The following GPR6 variants were observed in gnomAD, a reference collection of about 807,000 sequenced individuals.
The protein encoded by GPR6 is sphingosine 1-phosphate receptor GPR6.
Under a neutral mutation model 18.5 loss-of-function variants are expected in GPR6, and 14 were observed. That is an observed-to-expected ratio of 0.76 (90% CI 0.50 to 1.18). The LOEUF is 1.18. Among genes scored for constraint, GPR6 ranks in the 50% most tolerant of loss-of-function variants. The pLI is 0.00. For synonymous variants in GPR6, 299 were observed against 240.9 expected (o/e 1.24, Z -2.23); for missense variants, 477 against 495.9 (o/e 0.96, Z 0.36).
rs1459979050 is a variant in GPR6 at position 109,980,681 on chromosome 6, A to T, written c.*480A>T. ...GCTGCACATGCATCAACAAATTACAACATGTTTTGTACACGAATAAACCCA... is the reference window on the plus strand; with the variant it reads ...GCTGCACATGCATCAACAAATTACATCATGTTTTGTACACGAATAAACCCA... On this transcript the variant is annotated 3_prime_UTR_variant, in exon 2 of 2. Coordinates refer to ENST00000275169, the MANE Select transcript of GPR6 (RefSeq NM_005284.5). The T allele has an allele frequency of 5.6e-6, 1 of 179,516 alleles. No individual in the cohort carries two copies. Among genetic ancestry groups the T allele is most frequent in the Non-Finnish European group, 1.3e-5 (1 of 77,316 alleles). 11.1% of individuals were successfully genotyped at this position (179,516 alleles called of 1,614,324 possible).
At chr6:109,978,714 C>T (rs1432651899) in intron 1 of GPR6, 2 of 1,532,108 alleles carry the variant, frequency 1.3e-6, no homozygotes, top group South Asian at 1.2e-5. Flanking sequence ...AGCGTCTCTG[C>T]TGCCCAGCCC....
rs1397188590 is a variant in GPR6, at chr6:109,980,632, T to C, written c.*431T>C. On this transcript the variant is annotated 3_prime_UTR_variant, in exon 2 of 2. Coordinates refer to ENST00000275169, the MANE Select transcript of GPR6 (RefSeq NM_005284.5). The stretch of plus-strand genomic sequence containing the variant: ...GGAAAAGGGAGTAAAAGGTGTATTT[T>C]TGTCGTATGTGATAGAATATTTTGC... The C allele has an allele frequency of 1.0e-5, 2 of 199,014 alleles. No homozygotes were observed. The highest frequency in any genetic ancestry group is 2.2e-5 in the Non-Finnish European group (2 of 90,332). 12.3% of individuals were successfully genotyped at this position (199,014 alleles called of 1,614,324 possible).
In GPR6 at chr6:109,979,418, G is replaced by A. The variant is rs61730288; in HGVS notation, c.306G>A (p.Ala102=). 283 of 1,613,362 alleles carry A rather than the reference G, an allele frequency of 1.8e-4. 2 individuals are homozygous for A. The South Asian group carries it at 2.4e-3, about 14-fold the overall frequency. Residue 102 remains alanine, a synonymous_variant, in exon 2 of 2, where the codon GCG becomes GCA. Transcript: ENST00000275169. The part of the protein sequence containing the change: ...LVVALIASTP[A]LRTPMFVLVG... ...TGGCGCTCATCGCGTCCACTCCGGC[G>A]CTGCGCACGCCCATGTTCGTGCTGG...
At chr6:109,978,880 C>CA in intron 1 of GPR6, 1 of 1,531,636 alleles carries the variant, frequency 6.5e-7, no homozygotes, top group South Asian at 1.2e-5. Context: ...TGTATATCTG[C>CA]AAAAACTCAG....
rs1229256886 is a variant in GPR6 at position 109,979,695 on chromosome 6, G to A, written c.583G>A (p.Val195Met). 1.9e-6 allele frequency: 3 copies of A among 1,609,100 alleles called. No homozygotes were observed. Among genetic ancestry groups the A allele is most frequent in the Non-Finnish European group, 2.5e-6 (3 of 1,179,858 alleles). ...CCTCCTGCTTGCCGCCACTTGGACC[G>A]TGTCCCTAGGCCTGGGGCTGCTGCC... ...VHLLLAATWT[V>M]SLGLGLLPVL... is the part of the protein sequence containing the mutation. The change falls in exon 2 of 2, where the codon GTG (valine) becomes ATG (methionine). Residue 195 changes from valine (V) to methionine (M), a missense_variant. Transcript: ENST00000275169.
At position 109,980,214 on chromosome 6, in the gene GPR6, G is replaced by A. The variant is rs751772777; in HGVS notation, c.*13G>A. The A allele has an allele frequency of 1.4e-5, 23 of 1,614,034 alleles. No individual in the cohort carries two copies. In the South Asian group the frequency reaches 2.3e-4, roughly 16 times the overall value. ...CAGCGAGGTCTGAAGGGCTCGCCCC[G>A]TGTCCTCTCACCAACACCACACCCC... On this transcript the variant is annotated 3_prime_UTR_variant, in exon 2 of 2. Transcript: ENST00000275169.
rs1583857713 is a variant in GPR6 at position 109,979,094 on chromosome 6, G to A, written c.-18-1G>A. ...GACGCCTGCACTCCCTCCCTATGCAGGGTGCAAATCCGGCCGCGATGAACG... is the reference window on the plus strand; with the variant it reads ...GACGCCTGCACTCCCTCCCTATGCAAGGTGCAAATCCGGCCGCGATGAACG... On this transcript the variant is annotated splice_acceptor_variant, in intron 1 of 1. Coordinates refer to ENST00000275169, the MANE Select transcript of GPR6 (RefSeq NM_005284.5). LOFTEE classifies it low-confidence loss of function (5UTR_SPLICE). 7 of 1,566,856 alleles carry A rather than the reference G, an allele frequency of 4.5e-6. No homozygotes were observed. In the East Asian group the frequency reaches 1.3e-4, roughly 30 times the overall value.
rs149642685 is a variant in GPR6, at chr6:109,980,054, C to A, written c.942C>A (p.Thr314=). ...HEDPAVYTYA[T]LLPATYNSMI... is the part of the protein sequence containing the mutation. Reference sequence around the variant, plus strand: ...ACCCGGCGGTCTACACTTACGCCACCCTGCTGCCCGCCACCTACAACTCCA... The same window carrying A: ...ACCCGGCGGTCTACACTTACGCCACACTGCTGCCCGCCACCTACAACTCCA... The change falls in exon 2 of 2, where the codon ACC becomes ACA. Residue 314 remains threonine, a synonymous_variant. Transcript: ENST00000275169. 10 of 1,614,012 alleles carry A rather than the reference C, an allele frequency of 6.2e-6. No individual in the cohort carries two copies. Among genetic ancestry groups the A allele is most frequent in the Non-Finnish European group, 8.5e-6 (10 of 1,180,056 alleles).
In GPR6 at chr6:109,979,820, G is replaced by T; in HGVS notation, c.708G>T (p.Met236Ile). Reference sequence around the variant, plus strand: ...CTCTGCTCTCCGCCGCCTTCTTCATGGTCTTCGGCATCATGCTGCACCTGT... The same window carrying T: ...CTCTGCTCTCCGCCGCCTTCTTCATTGTCTTCGGCATCATGCTGCACCTGT... ...HVALLSAAFF[M>I]VFGIMLHLYV... The change falls in exon 2 of 2, where the codon ATG (methionine) becomes ATT (isoleucine). Residue 236 changes from methionine to isoleucine, a missense_variant. Coordinates refer to ENST00000275169, the MANE Select transcript of GPR6 (RefSeq NM_005284.5). The T allele has an allele frequency of 6.2e-7, 1 of 1,604,814 alleles. No individual in the cohort carries two copies.
rs1771064630 is a variant in GPR6 at position 109,980,481 on chromosome 6, G to T, written c.*280G>T. 3 of 467,788 alleles carry T rather than the reference G, an allele frequency of 6.4e-6. No homozygotes were observed. In the South Asian group the frequency reaches 9.2e-5, roughly 14 times the overall value. 29.0% of individuals were successfully genotyped at this position (467,788 alleles called of 1,614,324 possible). On this transcript the variant is annotated 3_prime_UTR_variant, in exon 2 of 2. Transcript: ENST00000275169. ...CTATTCTGTGAAAAACCAAGAAAAA[G>T]ATATGGTTGTATACTCAAATTGTAC... is the stretch of plus-strand genomic sequence containing the variant.
At chr6:109,979,036 G>T in intron 1 of GPR6, 59 bp from the exon 2 acceptor site, 1 of 1,536,356 alleles carries the variant, frequency 6.5e-7, no homozygotes, top group South Asian at 1.2e-5. Context: ...TCTACGCGTG[G>T]GGAAGTTTCC....
In GPR6 at chr6:109,980,334, G is replaced by C; in HGVS notation, c.*133G>C. The C allele has an allele frequency of 1.5e-6, 2 of 1,293,254 alleles. No individual in the cohort carries two copies. Among genetic ancestry groups the C allele is most frequent in the Non-Finnish European group, 2.2e-6 (2 of 920,836 alleles). 80.1% of individuals were successfully genotyped at this position (1,293,254 alleles called of 1,614,324 possible). On this transcript the variant is annotated 3_prime_UTR_variant, in exon 2 of 2. Coordinates refer to ENST00000275169, the MANE Select transcript of GPR6 (RefSeq NM_005284.5). ...TTTGGAAAGAAAAAGGGACTAAAGAGAAATGTAACAAACTTACAAGGACAA... is the reference window on the plus strand; with the variant it reads ...TTTGGAAAGAAAAAGGGACTAAAGACAAATGTAACAAACTTACAAGGACAA...
chr6:109,978,699 C>A, intron 1 of GPR6: 1 of 1,518,416 alleles, frequency 6.6e-7, no homozygotes, highest in Non-Finnish European at 8.8e-7. Flanking sequence ...TTCAGCACCG[C>A]GGACAGCGTC....
Position 109,979,352 on chromosome 6 carries a change from C to T in GPR6, c.240C>T (p.Cys80=). The T allele has an allele frequency of 1.9e-6, 3 of 1,613,746 alleles. No homozygotes were observed. Among genetic ancestry groups the T allele is most frequent in the Non-Finnish European group, 2.5e-6 (3 of 1,179,970 alleles). The change falls in exon 2 of 2, where the codon TGC becomes TGT. Residue 80 remains cysteine, a synonymous_variant. Transcript: ENST00000275169. ...TGAATCCGTGGGACGTGCTCCTGTG[C>T]GTGTCGGGGACAGTGATCGCTGGAG... ...PAVNPWDVLL[C]VSGTVIAGEN...
At position 109,978,425 on chromosome 6, in the gene GPR6, C is replaced by A. The variant is rs1770991837; in HGVS notation, c.-61C>A. On this transcript the variant is annotated 5_prime_UTR_variant, in exon 1 of 2. Transcript: ENST00000275169. ...GGGAGCTCAGCCCGGCGCCCCGCCT[C>A]GGCGCCCATGACCAGCGACTTCCAG... 7.4e-6 allele frequency: 2 copies of A among 272,066 alleles called. No individual in the cohort carries two copies. Among genetic ancestry groups the A allele is most frequent in the East Asian group, 1.3e-4 (2 of 15,514 alleles). The allele number at this position is 272,066 out of a possible 1,614,324, so 16.9% of individuals were successfully genotyped here.
chr6:109,980,205 G>A lies in GPR6; in HGVS notation c.*4G>A. On this transcript the variant is annotated 3_prime_UTR_variant, in exon 2 of 2. Transcript: ENST00000275169. ...CAGGTCTCCCAGCGAGGTCTGAAGG[G>A]CTCGCCCCGTGTCCTCTCACCAACA... The A allele has an allele frequency of 1.2e-6, 2 of 1,614,164 alleles. No homozygotes were observed. The highest frequency in any genetic ancestry group is 1.7e-6 in the Non-Finnish European group (2 of 1,180,032).
In GPR6 at chr6:109,980,364, G is replaced by A; in HGVS notation, c.*163G>A. 1 of 934,614 alleles carries A rather than the reference G, an allele frequency of 1.1e-6. No individual in the cohort carries two copies. The highest frequency in any genetic ancestry group is 2.5e-5 in the East Asian group (1 of 39,222). 57.9% of individuals were successfully genotyped at this position (934,614 alleles called of 1,614,324 possible). On this transcript the variant is annotated 3_prime_UTR_variant, in exon 2 of 2. Transcript: ENST00000275169. ...GTAACAAACTTACAAGGACAAAGAGGCTTGTTGGCACTTTACATATACAGT... is the reference window on the plus strand; with the variant it reads ...GTAACAAACTTACAAGGACAAAGAGACTTGTTGGCACTTTACATATACAGT...
In GPR6 at chr6:109,979,494, C is replaced by T. The variant is rs752363143; in HGVS notation, c.382C>T (p.His128Tyr). Residue 128 changes from histidine to tyrosine, a missense_variant, in exon 2 of 2, where the codon CAC becomes TAC. Transcript: ENST00000275169. ...DLLAGCGLIL[H>Y]FVFQYLVPSE... ...GTTGGCGGGCTGTGGCCTCATCTTGCACTTTGTGTTCCAGTACTTGGTGCC... is the reference window on the plus strand; with the variant it reads ...GTTGGCGGGCTGTGGCCTCATCTTGTACTTTGTGTTCCAGTACTTGGTGCC... 1 of 1,613,386 alleles carries T rather than the reference C, an allele frequency of 6.2e-7. No homozygotes were observed. Among genetic ancestry groups the T allele is most frequent in the Non-Finnish European group, 8.5e-7 (1 of 1,179,998 alleles).
rs574915673 is a variant in GPR6, at chr6:109,980,196, G to A, written c.1084G>A (p.Val362Ile). The A allele has an allele frequency of 1.9e-6, 3 of 1,614,192 alleles. No homozygotes were observed. The highest frequency in any genetic ancestry group is 2.2e-5 in the South Asian group (2 of 91,088). Residue 362 changes from valine (V) to isoleucine (I), a missense_variant, in exon 2 of 2, where the codon GTC becomes ATC. Physicochemically the swap from Val to Ile is conservative, Grantham distance 29 (BLOSUM62 3). Coordinates refer to ENST00000275169, the MANE Select transcript of GPR6 (RefSeq NM_005284.5). ...CTTTCGTTCCAGGTCTCCCAGCGAG[G>A]TCTGAAGGGCTCGCCCCGTGTCCTC... ...VPFRSRSPSE[V>I]
Sources: gnomAD v4.1 joint callset for allele counts on GRCh38, gnomAD v4.1.1 for gene constraint, MANE v1.5 for transcripts, NCBI Gene and HGNC (gene_info 2026-07-23, HGNC 2026-07-21) for gene names.